ZNG1A: variants seen among roughly 807,000 people sequenced by gnomAD.
The protein encoded by ZNG1A is zinc-regulated GTPase metalloprotein activator 1A.
the ZNG1A span, chr9:146,600 T>C: frequency 1.8e-5 from 3 of 169,850 alleles, no homozygotes; most frequent in South Asian, 2.8e-4. Context: ...AAATAACCAA[T>C]GTACAAAATA....
the ZNG1A span, among the ~76,000 whole-genome samples, chr9:170,381 A>C: frequency 6.8e-6 from 1 of 146,862 alleles, no homozygotes; most frequent in Non-Finnish European, 1.5e-5. Context: ...GTGTGTGCGC[A>C]TGTGCATGTG....
At chr9:122,021 C>G in the ZNG1A span, 1 of 1,611,256 alleles carries the variant, frequency 6.2e-7, no homozygotes, top group Non-Finnish European at 8.5e-7. Flanking sequence ...GGAGTCTCCT[C>G]CAGATCATAG....
At chr9:153,555 G>C in the ZNG1A span, 2 of 150,422 alleles carry the variant, frequency 1.3e-5, no homozygotes, top group East Asian at 3.9e-4. Context: ...ATGAGAAACA[G>C]ACCAAGGATT....
the ZNG1A span, among the ~76,000 whole-genome samples, chr9:140,221 C>A: frequency 1.6e-4 from 25 of 151,858 alleles, no homozygotes; most frequent in East Asian, 5.8e-4. Flanking sequence ...GGCACAGACA[C>A]ACAAAAAGAC....
the ZNG1A span, among the ~76,000 whole-genome samples, chr9:138,120 AG>A: frequency 6.6e-6 from 1 of 152,098 alleles, no homozygotes; most frequent in Non-Finnish European, 1.5e-5. Context: ...AAATGGAACT[AG>A]AAAAGCAAAA....
the ZNG1A span, among the ~76,000 whole-genome samples, chr9:152,471 C>T: frequency 6.6e-6 from 1 of 151,994 alleles, no homozygotes; most frequent in Non-Finnish European, 1.5e-5. Context: ...CTCAGGCATA[C>T]ATGGTAGAAA....
At chr9:128,666 C>G in the ZNG1A span, among the ~76,000 whole-genome samples, 2 of 149,224 alleles carry the variant, frequency 1.3e-5, no homozygotes, top group Non-Finnish European at 3.0e-5. Flanking sequence ...CTAGTGAATT[C>G]TTTTTCAAGT....
chr9:130,927 G>C, the ZNG1A span, among the ~76,000 whole-genome samples: 1 of 113,046 alleles, frequency 8.8e-6, no homozygotes, highest in Non-Finnish European at 1.8e-5. Context: ...TTTCACGTTA[G>C]AAAAACCCTG....
chr9:126,765 C>CT, the ZNG1A span, among the ~76,000 whole-genome samples: 1 of 151,758 alleles, frequency 6.6e-6, no homozygotes, highest in Non-Finnish European at 1.5e-5. Context: ...TCTCTAGTTC[C>CT]TTGAGGTGTG....
chr9:170,370 T>TGC, the ZNG1A span, among the ~76,000 whole-genome samples: 2 of 146,980 alleles, frequency 1.4e-5, 1 homozygote, highest in African/African-American at 5.3e-5. Flanking sequence ...TGTGTGTGTG[T>TGC]GTGTGTGCGC....
the ZNG1A span, among the ~76,000 whole-genome samples, chr9:177,112 A>T: frequency 2.0e-5 from 3 of 152,296 alleles, no homozygotes; most frequent in East Asian, 5.8e-4. Context: ...AAAAGTACCT[A>T]TTCCAAGGGG....
the ZNG1A span, chr9:172,006 A>G: frequency 6.2e-7 from 1 of 1,603,584 alleles, no homozygotes; most frequent in East Asian, 2.2e-5. Context: ...TCCTCATTTT[A>G]GATATTCCTC....
At chr9:138,716 T>C in the ZNG1A span, among the ~76,000 whole-genome samples, 4 of 139,392 alleles carry the variant, frequency 2.9e-5, no homozygotes, top group Admixed American at 7.2e-5. Flanking sequence ...CTAGGCAACA[T>C]AGCAAGACAC....
At chr9:173,847 C>T in the ZNG1A span, among the ~76,000 whole-genome samples, 2 of 152,192 alleles carry the variant, frequency 1.3e-5, no homozygotes, top group South Asian at 4.1e-4. Context: ...AACCCTAGTT[C>T]ATCTTGAGGA....
At chr9:145,050 G>C in the ZNG1A span, among the ~76,000 whole-genome samples, 3 of 146,790 alleles carry the variant, frequency 2.0e-5, no homozygotes, top group Middle Eastern at 3.5e-3. Flanking sequence ...GGAAACAACA[G>C]GTGCTGGAGA....
the ZNG1A span, chr9:153,956 T>A: frequency 6.6e-6 from 1 of 152,132 alleles, no homozygotes; most frequent in Non-Finnish European, 1.5e-5. Flanking sequence ...TTAGTTCAGG[T>A]CTTACAAAAT....
At chr9:155,885 G>A in the ZNG1A span, among the ~76,000 whole-genome samples, 5 of 144,952 alleles carry the variant, frequency 3.4e-5, no homozygotes, top group African/African-American at 1.1e-4. Flanking sequence ...CGGGTGGATC[G>A]AGCTGGTCTC....
chr9:129,079 G>GTGGTA, the ZNG1A span, among the ~76,000 whole-genome samples: 2 of 151,000 alleles, frequency 1.3e-5, no homozygotes, highest in Non-Finnish European at 3.0e-5. Flanking sequence ...TCCAGTGGAG[G>GTGGTA]CGGTAGGAGG....
chr9:161,163 C>A, the ZNG1A span, among the ~76,000 whole-genome samples: 10 of 152,168 alleles, frequency 6.6e-5, no homozygotes, highest in African/African-American at 2.4e-4. Context: ...GGAAAAAAAG[C>A]AAACTTAAAC....
Sources: allele counts gnomAD v4.1 joint callset (sites outside exome capture counted in the v4.1 genomes callset), GRCh38; gene constraint gnomAD v4.1.1; transcripts MANE v1.5; gene names NCBI Gene and HGNC (gene_info 2026-07-23, HGNC 2026-07-21).